The following SETBP1 variants were observed in gnomAD, a reference collection of about 807,000 sequenced individuals.
SETBP1 encodes the protein SET binding protein 1.
Under a neutral mutation model 101.0 loss-of-function variants are expected in SETBP1, and 9 were observed. That is an observed-to-expected ratio of 0.09 (90% CI 0.05 to 0.16). SETBP1 has a LOEUF of 0.16. Among genes scored for constraint, SETBP1 ranks in the 10% least tolerant of loss-of-function variants. The pLI is 1.00. For missense variants in SETBP1, 1,858 were observed against 2,033.8 expected (o/e 0.91, Z 1.66); for synonymous variants, 818 against 788.5 (o/e 1.04, Z -0.63).
chr18:44,876,555 C>A, intron 3 of SETBP1: 1 of 1,545,668 alleles, frequency 6.5e-7, no homozygotes, highest in South Asian at 1.2e-5. Flanking sequence ...TCAGCCTCCT[C>A]ATTTTCTAGA....
At chr18:44,698,480 A>G (rs944795736) in intron 1 of SETBP1, among the ~76,000 whole-genome samples, 4 of 152,250 alleles carry the variant, frequency 2.6e-5, no homozygotes, top group Non-Finnish European at 5.9e-5. Context: ...CATACTTCCT[A>G]GCCAAACATC....
chr18:44,875,261 CTG>C (rs923638938), intron 3 of SETBP1, among the ~76,000 whole-genome samples: 1 of 152,090 alleles, frequency 6.6e-6, no homozygotes, highest in African/African-American at 2.4e-5. Flanking sequence ...TGGCTCTTGA[CTG>C]TAATACCAAC....
At chr18:44,718,562 G>C (rs1401404501) in intron 2 of SETBP1, among the ~76,000 whole-genome samples, 1 of 152,124 alleles carries the variant, frequency 6.6e-6, no homozygotes, top group African/African-American at 2.4e-5. Flanking sequence ...CTCTTCCTTA[G>C]CATAACTGAG....
At chr18:44,858,819 T>A (rs2144624824) in intron 2 of SETBP1, among the ~76,000 whole-genome samples, 1 of 152,334 alleles carries the variant, frequency 6.6e-6, no homozygotes, top group Middle Eastern at 3.4e-3. Flanking sequence ...GATGGCTTAC[T>A]TGGGATTTTC....
At chr18:44,794,339 A>G (rs184387855) in intron 2 of SETBP1, among the ~76,000 whole-genome samples, 98 of 152,318 alleles carry the variant, frequency 6.4e-4, no homozygotes, top group African/African-American at 2.3e-3. Flanking sequence ...TAGTTGTCCT[A>G]GAGATAAATG....
intron 2 of SETBP1, among the ~76,000 whole-genome samples, chr18:44,811,912 C>T (rs1051370984): frequency 6.6e-6 from 1 of 152,190 alleles, no homozygotes; most frequent in Non-Finnish European, 1.5e-5. Context: ...GCTTTAAAGA[C>T]CTGTGTGGCA....
intron 4 of SETBP1, among the ~76,000 whole-genome samples, chr18:45,022,744 C>A (rs1279350361): frequency 1.3e-5 from 2 of 152,188 alleles, no homozygotes; most frequent in Non-Finnish European, 2.9e-5. Context: ...GCAGGAGCAT[C>A]ACTGGAAGCC....
At chr18:44,742,793 T>C (rs2144484405) in intron 2 of SETBP1, among the ~76,000 whole-genome samples, 1 of 152,268 alleles carries the variant, frequency 6.6e-6, no homozygotes, top group Non-Finnish European at 1.5e-5. Context: ...AGTTGATCTA[T>C]CTGAACAGGT....
intron 3 of SETBP1, among the ~76,000 whole-genome samples, chr18:44,939,646 T>G (rs570871158): frequency 1.8e-4 from 28 of 152,308 alleles, no homozygotes; most frequent in Non-Finnish European, 4.0e-4. Context: ...TCCAAAGTGA[T>G]TTTTACTGTT....
intron 2 of SETBP1, among the ~76,000 whole-genome samples, chr18:44,727,942 A>G (rs2069751767): frequency 6.6e-6 from 1 of 152,196 alleles, no homozygotes; most frequent in Non-Finnish European, 1.5e-5. Flanking sequence ...GAGCAATTGT[A>G]TCCAATAAAA....
At chr18:44,760,767 A>G (rs1241428468) in intron 2 of SETBP1, among the ~76,000 whole-genome samples, 1 of 152,196 alleles carries the variant, frequency 6.6e-6, no homozygotes, top group East Asian at 1.9e-4. Context: ...AGGTGTATAT[A>G]CTGTTTTTTA....
At chr18:44,860,238 G>A (rs2068973381) in intron 2 of SETBP1, among the ~76,000 whole-genome samples, 1 of 152,148 alleles carries the variant, frequency 6.6e-6, no homozygotes, top group Non-Finnish European at 1.5e-5. Flanking sequence ...TGTTCAAGGA[G>A]GGAATCCTCC....
At chr18:45,001,353 A>G (rs1237125750) in intron 4 of SETBP1, among the ~76,000 whole-genome samples, 1 of 152,250 alleles carries the variant, frequency 6.6e-6, no homozygotes, top group Non-Finnish European at 1.5e-5. Context: ...TTAGGCCAGT[A>G]TACAAAGTAA....
chr18:44,959,324 C>T (rs1412334970), intron 4 of SETBP1, among the ~76,000 whole-genome samples: 1 of 152,138 alleles, frequency 6.6e-6, no homozygotes, highest in Non-Finnish European at 1.5e-5. Context: ...CTCCAGAAAA[C>T]CATCTCCTTA....
chr18:44,989,636 G>A (rs568362288), intron 4 of SETBP1, among the ~76,000 whole-genome samples: 7 of 151,638 alleles, frequency 4.6e-5, no homozygotes, highest in East Asian at 1.9e-4. Context: ...ATTATCTGCC[G>A]AGGCGGGCGG....
chr18:44,991,931 G>T (rs549695314), intron 4 of SETBP1, among the ~76,000 whole-genome samples: 1 of 152,162 alleles, frequency 6.6e-6, no homozygotes, highest in Non-Finnish European at 1.5e-5. Flanking sequence ...CATAGAGATT[G>T]TATTCTCTAA....
intron 2 of SETBP1, among the ~76,000 whole-genome samples, chr18:44,831,873 T>C (rs568733978): frequency 1.3e-5 from 2 of 152,336 alleles, no homozygotes; most frequent in African/African-American, 4.8e-5. Context: ...TTGCTGTGCA[T>C]TCTGCCTTAG....
chr18:44,751,979 C>G (rs535591509), intron 2 of SETBP1, among the ~76,000 whole-genome samples: 29 of 152,284 alleles, frequency 1.9e-4, no homozygotes, highest in African/African-American at 6.7e-4. Flanking sequence ...AATTCTTTCT[C>G]TAAAGGCTTC....
At chr18:44,994,954 C>T (rs2072458392) in intron 4 of SETBP1, among the ~76,000 whole-genome samples, 1 of 152,088 alleles carries the variant, frequency 6.6e-6, no homozygotes, top group Non-Finnish European at 1.5e-5. Flanking sequence ...CTTCAAGATA[C>T]TCCCAAGCCT....
Sources: allele counts gnomAD v4.1 joint callset (sites outside exome capture counted in the v4.1 genomes callset), GRCh38; gene constraint gnomAD v4.1.1; transcripts MANE v1.5; gene names NCBI Gene and HGNC (gene_info 2026-07-23, HGNC 2026-07-21).